The following RHEX variants were observed in gnomAD, a reference collection of about 807,000 sequenced individuals.
The protein encoded by RHEX is regulator of hemoglobinization and erythroid cell expansion, also known as regulator of hemoglobinization and erythroid cell expansion protein.
A neutral mutation model predicts 20.1 loss-of-function variants in RHEX; 18 were observed. The observed-to-expected ratio is 0.90, with a 90% CI of 0.62 to 1.33. The LOEUF is 1.33. Ranked by LOEUF, RHEX falls within the 40% of genes most tolerant of loss-of-function variation. The pLI, the probability that RHEX is intolerant of heterozygous loss-of-function variation, is 0.00. For missense variants in RHEX, 192 were observed against 214.3 expected, an observed-to-expected ratio of 0.90 and a Z score of 0.65; for synonymous variants, 87 against 77.1, an observed-to-expected ratio of 1.13 and a Z score of -0.67.
chr1:206,076,342 T>G (rs1662636839), intron 1 of RHEX, among the ~76,000 whole-genome samples: 2 of 152,166 alleles, frequency 1.3e-5, no homozygotes, highest in Non-Finnish European at 2.9e-5. Flanking sequence ...TTTTGCTATG[T>G]TTTTGTAAAG....
chr1:206,074,089 A>G (rs1023611737), intron 1 of RHEX, among the ~76,000 whole-genome samples: 3 of 151,958 alleles, frequency 2.0e-5, no homozygotes, highest in Non-Finnish European at 4.4e-5. Flanking sequence ...TTTCTCTCTC[A>G]TGGGACTTTC....
intron 1 of RHEX, among the ~76,000 whole-genome samples, chr1:206,064,029 C>T (rs1298236065): frequency 9.4e-5 from 14 of 149,114 alleles, no homozygotes; most frequent in African/African-American, 2.2e-4. Flanking sequence ...ATGTGGGGAG[C>T]GCCTTTGCCC....
chr1:206,071,144 G>A (rs1662520948), intron 1 of RHEX, among the ~76,000 whole-genome samples: 1 of 152,144 alleles, frequency 6.6e-6, no homozygotes, highest in Admixed American at 6.5e-5. Context: ...TTCAGTCTGT[G>A]GTTGAAGGTC....
intron 1 of RHEX, among the ~76,000 whole-genome samples, chr1:206,073,114 A>G (rs953693045): frequency 3.9e-4 from 59 of 152,032 alleles, no homozygotes; most frequent in Non-Finnish European, 4.4e-5. Flanking sequence ...CTGAGATTAC[A>G]GGCATAAGCC....
intron 4 of RHEX, among the ~76,000 whole-genome samples, chr1:206,100,365 A>G (rs1202585482): frequency 2.6e-5 from 4 of 152,260 alleles, no homozygotes; most frequent in African/African-American, 4.8e-5. Flanking sequence ...TGCTTTGGCA[A>G]CAAGGCAACT....
At position 206,088,908 on chromosome 1, in the gene RHEX, C is replaced by G. The variant is rs1662893527; in HGVS notation, c.-96-8825C>G. 3.9e-5 allele frequency among the ~76,000 whole-genome samples: 6 copies of G among 151,998 alleles called. 1 individual carries two copies. The highest frequency in any genetic ancestry group is 3.9e-4 in the Admixed American group (6 of 15,250). ...CAACCACGGCTCATGTAGCCTTGATCTCCCAGGCTCAAGTGATCCTCCTGC... is the reference window on the plus strand; with the variant it reads ...CAACCACGGCTCATGTAGCCTTGATGTCCCAGGCTCAAGTGATCCTCCTGC... On this transcript the variant is annotated intron_variant, in intron 1 of 5. Coordinates refer to ENST00000331555, the MANE Select transcript of RHEX (RefSeq NM_001007544.4).
At chr1:206,068,947 C>T (rs1422019612) in intron 1 of RHEX, among the ~76,000 whole-genome samples, 10 of 152,232 alleles carry the variant, frequency 6.6e-5, no homozygotes, top group Admixed American at 2.0e-4. Context: ...CATGACCAAA[C>T]TAACTCTGCT....
At chr1:206,070,489 G>A (rs1553284534) in intron 1 of RHEX, among the ~76,000 whole-genome samples, 1 of 152,152 alleles carries the variant, frequency 6.6e-6, no homozygotes, top group African/African-American at 2.4e-5. Flanking sequence ...ATGCATCTAT[G>A]TTTTAACAAA....
At chr1:206,092,728 T>A (rs1427984175) in intron 1 of RHEX, among the ~76,000 whole-genome samples, 2 of 152,204 alleles carry the variant, frequency 1.3e-5, no homozygotes, top group Non-Finnish European at 2.9e-5. Context: ...TAATCCCTTC[T>A]GTTTCTGAGA....
rs1019602354 is a variant in RHEX, at chr1:206,060,036, A to G, written c.-97+6771A>G. Among the ~76,000 whole-genome samples the G allele has an allele frequency of 2.9e-4, 44 of 152,178 alleles. 1 individual carries two copies. The highest frequency in any genetic ancestry group is 1.3e-4 in the Non-Finnish European group (9 of 68,040). ...TCTGCTAACCCTTGGTAAGAATGGT[A>G]GAGCTCTGGAGTGAAACAATCACAT... On this transcript the variant is annotated intron_variant, in intron 1 of 5. Coordinates refer to ENST00000331555, the MANE Select transcript of RHEX (RefSeq NM_001007544.4).
chr1:206,089,569 G>A (rs1017113786), intron 1 of RHEX, among the ~76,000 whole-genome samples: 1 of 151,980 alleles, frequency 6.6e-6, no homozygotes, highest in Non-Finnish European at 1.5e-5. Flanking sequence ...GCTGTACAGA[G>A]CTCTTTTGCA....
rs553344991 is a variant in RHEX at position 206,094,208 on chromosome 1, C to T, written c.-96-3525C>T. On this transcript the variant is annotated intron_variant, in intron 1 of 5. Transcript: ENST00000331555. ...TGTGTGTGTGTGTGTGTCACGTGCA[C>T]GCGCAAATGAGCAGATGTCTCTGCT... Among the ~76,000 whole-genome samples the T allele has an allele frequency of 2.2e-4, 33 of 150,350 alleles. No individual in the cohort carries two copies. In the South Asian group the frequency reaches 2.3e-3, roughly 10 times the overall value.
At chr1:206,056,864 A>G (rs148542851) in intron 1 of RHEX, among the ~76,000 whole-genome samples, 637 of 152,158 alleles carry the variant, frequency 4.2e-3, no homozygotes, top group Non-Finnish European at 6.0e-3. Context: ...AGATGTGTCA[A>G]TACTGGTCTT....
chr1:206,055,354 C>T (rs913993521), intron 1 of RHEX, among the ~76,000 whole-genome samples: 3 of 152,238 alleles, frequency 2.0e-5, no homozygotes, highest in South Asian at 2.1e-4. Flanking sequence ...CATCCCCGAG[C>T]GGATGTGTGA....
At position 206,101,794 on chromosome 1, in the gene RHEX, C is replaced by T. The variant is rs782343742; in HGVS notation, c.361C>T (p.Pro121Ser). Residue 121 changes from proline to serine, a missense_variant, in exon 6 of 6, where the codon CCT (proline) becomes TCT (serine). Pro to Ser is a moderately conservative substitution (Grantham distance 74). Transcript: ENST00000331555. ...TTACACACAAGTCGTCTTTTCTGAC[C>T]CTGGAGAACTAAAAAATGACTCCCC... ...VDYTQVVFSDPGELKNDSPLD... is the reference protein window; with the variant it reads ...VDYTQVVFSDSGELKNDSPLD... 6 of 1,613,848 alleles carry T rather than the reference C, an allele frequency of 3.7e-6. No homozygotes were observed. Among genetic ancestry groups the T allele is most frequent in the South Asian group, 3.3e-5 (3 of 91,060 alleles).
chr1:206,066,522 C>T (rs1003571260), intron 1 of RHEX, among the ~76,000 whole-genome samples: 2 of 152,168 alleles, frequency 1.3e-5, no homozygotes, highest in Admixed American at 1.3e-4. Context: ...GAGGCTGAGG[C>T]AGAAGAATCG....
chr1:206,062,772 C>G (rs781556173), intron 1 of RHEX, among the ~76,000 whole-genome samples: 37 of 152,148 alleles, frequency 2.4e-4, no homozygotes, highest in Non-Finnish European at 5.3e-4. Context: ...CACCACTGGC[C>G]AGGAACAGCT....
chr1:206,092,958 C>T (rs1182779047), intron 1 of RHEX, among the ~76,000 whole-genome samples: 2 of 152,184 alleles, frequency 1.3e-5, no homozygotes, highest in Non-Finnish European at 2.9e-5. Flanking sequence ...GAGCAGGATG[C>T]TCAGGGCTGA....
chr1:206,069,840 C>T (rs1260689187), intron 1 of RHEX, among the ~76,000 whole-genome samples: 22 of 152,098 alleles, frequency 1.4e-4, no homozygotes, highest in Non-Finnish European at 4.4e-5. Flanking sequence ...TTAAAAATTA[C>T]ATGAATAGTA....
Sources: gnomAD v4.1 joint callset for allele counts (sites outside exome capture counted in the v4.1 genomes callset) on GRCh38, gnomAD v4.1.1 for gene constraint, MANE v1.5 for transcripts, NCBI Gene and HGNC (gene_info 2026-07-23, HGNC 2026-07-21) for gene names.